The following EFHC2 variants were observed in gnomAD, a reference collection of about 807,000 sequenced individuals.
EFHC2 encodes the protein EF-hand domain-containing family member C2.
A neutral mutation model predicts 52.7 loss-of-function variants in EFHC2; 18 were observed. The ratio of observed to expected loss-of-function variants is 0.34; its 90% CI spans 0.24 to 0.51. EFHC2 has a LOEUF of 0.51. EFHC2 is among the 20% of genes least tolerant of loss of function. The probability of loss-of-function intolerance (pLI) is 0.97; values close to 1 mark genes in which losing one functional copy is unlikely to be tolerated. For synonymous variants in EFHC2, 203 were observed against 204.1 expected, an observed-to-expected ratio of 0.99 and a Z score of 0.04; for missense variants, 513 against 562.5, an observed-to-expected ratio of 0.91 and a Z score of 0.89.
intron 4 of EFHC2, among the ~76,000 whole-genome samples, chrX:44,252,193 A>G (rs2037456768): frequency 9.0e-6 from 1 of 111,565 alleles, no homozygotes; most frequent in South Asian, 3.7e-4. Context: ...TTAGTTCCAT[A>G]GTCTTCTTGA....
chrX:44,289,578 T>C lies in EFHC2; in HGVS notation c.232-16742A>G, dbSNP rs981385199. Among the ~76,000 whole-genome samples, 11 of 110,971 alleles carry C rather than the reference T, an allele frequency of 9.9e-5. No individual in the cohort carries two copies. In the East Asian group the frequency reaches 1.4e-3, roughly 14 times the overall value. On this transcript the variant is annotated intron_variant, in intron 2 of 14. Coordinates refer to ENST00000420999, the MANE Select transcript of EFHC2 (RefSeq NM_025184.4). ...CTTGGTAATTTCCTTGCTTTATCCT[T>C]GAAAATTTGTCAGGGTAGATCTAAT...
intron 13 of EFHC2, among the ~76,000 whole-genome samples, chrX:44,169,402 G>C (rs774734923): frequency 8.4e-4 from 93 of 110,620 alleles, no homozygotes; most frequent in Non-Finnish European, 1.6e-3. Flanking sequence ...CAGCCTACTG[G>C]GTAACTGCGA....
intron 11 of EFHC2, among the ~76,000 whole-genome samples, chrX:44,187,195 A>G (rs750528146): frequency 1.0e-3 from 100 of 97,759 alleles, no homozygotes; most frequent in Non-Finnish European, 1.9e-3. Flanking sequence ...CCAATTATAG[A>G]GATTTTGGAT....
chrX:44,312,150 G>A (rs1402211902), intron 2 of EFHC2, among the ~76,000 whole-genome samples: 3 of 111,873 alleles, frequency 2.7e-5, no homozygotes, highest in African/African-American at 9.8e-5. Context: ...TTTCACTTAG[G>A]AGGAATACGT....
chrX:44,265,882 C>A (rs974204920), intron 3 of EFHC2, among the ~76,000 whole-genome samples: 1 of 111,779 alleles, frequency 8.9e-6, no homozygotes, highest in Non-Finnish European at 1.9e-5. Context: ...TTTTTATATA[C>A]ACAACCGGGC....
At chrX:44,342,064 T>G (rs771019791) in intron 1 of EFHC2, among the ~76,000 whole-genome samples, 2 of 112,329 alleles carry the variant, frequency 1.8e-5, no homozygotes, top group African/African-American at 3.2e-5. Context: ...GAATCTGTTT[T>G]CATGTCCCGT....
At chrX:44,209,144 ATGT>A (rs199958338) in intron 11 of EFHC2, among the ~76,000 whole-genome samples, 1,556 of 108,973 alleles carry the variant, frequency 0.014, 29 homozygotes, top group African/African-American at 0.05. Flanking sequence ...TGGAAGGCAA[ATGT>A]TGTAACTTTT....
chrX:44,243,372 C>T (rs992197502), intron 7 of EFHC2, among the ~76,000 whole-genome samples: 29 of 112,261 alleles, frequency 2.6e-4, no homozygotes, highest in African/African-American at 9.4e-4. Flanking sequence ...GCAAATATTT[C>T]CTTTTCCACT....
Position 44,179,187 on chromosome X carries a change from AAAC to A in EFHC2, c.1752-626_1752-624del, listed in dbSNP as rs745774660. 1.1e-3 allele frequency among the ~76,000 whole-genome samples: 126 copies of A among 111,546 alleles called. 2 individuals carry two copies. In the South Asian group the frequency reaches 0.046, roughly 40 times the overall value. ...TAGGCAGAGCTAAAAAAAAAAAACT[AAAC>A]AACAACATATCAATGAAGACGACTC... On this transcript the variant is annotated intron_variant, in intron 11 of 14. Transcript: ENST00000420999.
At chrX:44,275,343 C>T (rs1444860508) in intron 2 of EFHC2, among the ~76,000 whole-genome samples, 2 of 109,999 alleles carry the variant, frequency 1.8e-5, no homozygotes, top group African/African-American at 6.6e-5. Flanking sequence ...ATGAAAGATA[C>T]AGAGCAAGTC....
chrX:44,309,393 C>A (rs973983255), intron 2 of EFHC2: 1 of 930,800 alleles, frequency 1.1e-6, no homozygotes, highest in African/African-American at 1.9e-5. Context: ...GCCTACTCTC[C>A]TCTCAAAGAA....
At chrX:44,163,481 T>G (rs1373632250) in intron 14 of EFHC2, among the ~76,000 whole-genome samples, 1 of 111,900 alleles carries the variant, frequency 8.9e-6, no homozygotes, top group Admixed American at 9.5e-5. Flanking sequence ...CTGTGAAATG[T>G]GCATCCCCAT....
intron 1 of EFHC2, among the ~76,000 whole-genome samples, chrX:44,314,594 ACT>A (rs777800721): frequency 1.8e-5 from 2 of 108,566 alleles, no homozygotes; most frequent in African/African-American, 6.7e-5. Flanking sequence ...CATTCCCTCC[ACT>A]CTCTCTCTCT....
intron 4 of EFHC2, among the ~76,000 whole-genome samples, chrX:44,257,222 C>T (rs1231645770): frequency 2.7e-5 from 3 of 111,623 alleles, no homozygotes; most frequent in Non-Finnish European, 5.6e-5. Context: ...GGAAGCATTC[C>T]CTTTGAAAAC....
chrX:44,231,915 A>C (rs887535668), intron 10 of EFHC2, among the ~76,000 whole-genome samples: 2 of 111,976 alleles, frequency 1.8e-5, no homozygotes, highest in Non-Finnish European at 3.8e-5. Flanking sequence ...CACTTGCAGT[A>C]ACAGTACCCA....
intron 2 of EFHC2, among the ~76,000 whole-genome samples, chrX:44,275,126 T>C (rs12844512): frequency 9.0e-6 from 1 of 111,611 alleles, no homozygotes; most frequent in Admixed American, 9.6e-5. Context: ...CATAGGTCAA[T>C]TGACAACTGG....
rs1276584626 is a variant in EFHC2, at chrX:44,283,767, C to T, written c.232-10931G>A. On this transcript the variant is annotated intron_variant, in intron 2 of 14. Transcript: ENST00000420999. Reference sequence around the variant, plus strand: ...CTTAGGAGTACGTTCCGGGCTCGGACGCCATACCAGGCCTGGATCCTTAGG... The same window carrying T: ...CTTAGGAGTACGTTCCGGGCTCGGATGCCATACCAGGCCTGGATCCTTAGG... 4 of 106,219 alleles carry T rather than the reference C, an allele frequency of 3.8e-5. No homozygotes were observed. The Admixed American group carries it at 4.1e-4, about 11-fold the overall frequency. The allele number at this position is 106,219 out of a possible 1,213,427, so 8.8% of individuals were successfully genotyped here.
intron 11 of EFHC2, among the ~76,000 whole-genome samples, chrX:44,213,036 C>A (rs2037112613): frequency 9.7e-6 from 1 of 103,293 alleles, no homozygotes; most frequent in Non-Finnish European, 2.0e-5. Context: ...TCACCCAGTA[C>A]ATCATGTCTG....
rs202137748 is a variant in EFHC2, at chrX:44,261,105, T to C, written c.576A>G (p.Pro192=). Residue 192 remains proline, a synonymous_variant, in exon 4 of 15, where the codon CCA becomes CCG. Coordinates refer to ENST00000420999, the MANE Select transcript of EFHC2 (RefSeq NM_025184.4). The part of the protein sequence containing the change: ...GVKVNPPVQC[P]EDPYMKIRRE... The stretch of plus-strand genomic sequence containing the variant: ...TCCGAATCTTCATGTAAGGATCTTC[T>C]GGACATTGCACTGGGGGATTCACTT... 65 of 1,209,694 alleles carry C rather than the reference T, an allele frequency of 5.4e-5. No individual in the cohort carries two copies. Among genetic ancestry groups the C allele is most frequent in the Non-Finnish European group, 7.3e-5 (65 of 894,797 alleles).
Sources: allele counts gnomAD v4.1 joint callset (sites outside exome capture counted in the v4.1 genomes callset), GRCh38; gene constraint gnomAD v4.1.1; transcripts MANE v1.5; gene names NCBI Gene and HGNC (gene_info 2026-07-23, HGNC 2026-07-21).